The following NOL4 variants were observed in gnomAD, a reference collection of about 807,000 sequenced individuals.
The protein encoded by NOL4 is cancer/testis antigen 125.
A neutral mutation model predicts 75.9 loss-of-function variants in NOL4; 17 were observed. The ratio of observed to expected loss-of-function variants is 0.22; its 90% CI spans 0.15 to 0.34. The LOEUF is 0.34. Ranked by LOEUF, NOL4 falls within the 10% of genes least tolerant of loss-of-function variation. The probability of loss-of-function intolerance (pLI) is 1.00; values close to 1 mark genes in which losing one functional copy is unlikely to be tolerated. For missense variants in NOL4, 614 were observed against 793.5 expected (o/e 0.77, Z 2.72); for synonymous variants, 292 against 289.9 (o/e 1.01, Z -0.07).
chr18:33,941,653 C>A (rs560891034), intron 9 of NOL4, among the ~76,000 whole-genome samples: 1 of 151,918 alleles, frequency 6.6e-6, no homozygotes, highest in Non-Finnish European at 1.5e-5. Flanking sequence ...GTTCTCATAA[C>A]GACTCCACAG....
intron 9 of NOL4, among the ~76,000 whole-genome samples, chr18:33,903,050 T>G (rs2065834034): frequency 6.6e-6 from 1 of 152,208 alleles, no homozygotes; most frequent in African/African-American, 2.4e-5. Context: ...TACTGGAGAC[T>G]TGTCAAAGCT....
chr18:33,899,601 G>C (rs1225276527), intron 9 of NOL4, among the ~76,000 whole-genome samples: 2 of 152,092 alleles, frequency 1.3e-5, no homozygotes, highest in Non-Finnish European at 2.9e-5. Flanking sequence ...GGCAGTACTG[G>C]CTGTCTCTAT....
At chr18:34,207,205 A>AT (rs1276416148) in intron 1 of NOL4, among the ~76,000 whole-genome samples, 1 of 151,858 alleles carries the variant, frequency 6.6e-6, no homozygotes. Flanking sequence ...ACATCTTCTG[A>AT]TTTTTTTCTT....
intron 1 of NOL4, among the ~76,000 whole-genome samples, chr18:34,212,329 A>T (rs2036569318): frequency 6.6e-6 from 1 of 152,242 alleles, no homozygotes; most frequent in Non-Finnish European, 1.5e-5. Flanking sequence ...AACCATAGAA[A>T]TGGCAATACA....
At chr18:33,930,189 C>A (rs956038595) in intron 9 of NOL4, among the ~76,000 whole-genome samples, 4 of 151,950 alleles carry the variant, frequency 2.6e-5, no homozygotes, top group African/African-American at 9.7e-5. Flanking sequence ...ATCTGTAAAA[C>A]ATTTTAATTT....
chr18:33,969,803 C>T (rs1353198375), intron 6 of NOL4, among the ~76,000 whole-genome samples: 1 of 151,092 alleles, frequency 6.6e-6, no homozygotes, highest in Non-Finnish European at 1.5e-5. Flanking sequence ...TTTGAAGATT[C>T]CCATGAAATT....
chr18:33,933,818 T>C (rs2067869904), intron 9 of NOL4, among the ~76,000 whole-genome samples: 3 of 152,158 alleles, frequency 2.0e-5, no homozygotes, highest in Admixed American at 2.0e-4. Flanking sequence ...AATCAACTTC[T>C]TCCAAACTCC....
chr18:33,908,670 G>A (rs1203661039), intron 9 of NOL4, among the ~76,000 whole-genome samples: 2 of 152,060 alleles, frequency 1.3e-5, no homozygotes, highest in African/African-American at 2.4e-5. Context: ...GTCAAACTAA[G>A]GTAATTAGAT....
At chr18:34,010,772 A>T (rs751537695) in intron 6 of NOL4, among the ~76,000 whole-genome samples, 1 of 151,768 alleles carries the variant, frequency 6.6e-6, no homozygotes, top group Non-Finnish European at 1.5e-5. Flanking sequence ...CACATCTCAT[A>T]GTAGTTTTGA....
rs1042059789 is a variant in NOL4, at chr18:34,222,860, G to T, written c.264+130C>A. 5 of 1,219,152 alleles carry T rather than the reference G, an allele frequency of 4.1e-6. No homozygotes were observed. In the African/African-American group the frequency reaches 4.5e-5, roughly 11 times the overall value. The allele number at this position is 1,219,152 out of a possible 1,614,324, so 75.5% of individuals were successfully genotyped here. On this transcript the variant is annotated intron_variant, in intron 1 of 10. Transcript: ENST00000261592. ...GCGAGTGGGGACGACTTGGGGAGGG[G>T]GTTGAGGAAGGTAGGGGGCACACGA...
intron 1 of NOL4, among the ~76,000 whole-genome samples, chr18:34,194,086 T>C (rs770127010): frequency 6.6e-6 from 1 of 152,038 alleles, no homozygotes; most frequent in Non-Finnish European, 1.5e-5. Context: ...GGATAGGGGT[T>C]GGGGAAATGT....
intron 6 of NOL4, among the ~76,000 whole-genome samples, chr18:33,974,303 G>A (rs2071322678): frequency 6.6e-6 from 1 of 152,114 alleles, no homozygotes; most frequent in African/African-American, 2.4e-5. Flanking sequence ...ACTTGCTCTG[G>A]AATAGGCTTT....
chr18:33,931,983 C>T (rs1205568568), intron 9 of NOL4, among the ~76,000 whole-genome samples: 2 of 151,898 alleles, frequency 1.3e-5, no homozygotes, highest in Non-Finnish European at 2.9e-5. Context: ...CAGTTTCTTA[C>T]CATCTGGAAA....
chr18:34,053,435 C>G (rs2076705775), intron 5 of NOL4, among the ~76,000 whole-genome samples: 1 of 151,868 alleles, frequency 6.6e-6, no homozygotes, highest in Non-Finnish European at 1.5e-5. Context: ...AGGTTAGACC[C>G]TATGAGTGGA....
chr18:33,998,915 T>TCAC (rs2073484695), intron 6 of NOL4, among the ~76,000 whole-genome samples: 1 of 152,076 alleles, frequency 6.6e-6, no homozygotes, highest in Non-Finnish European at 1.5e-5. Context: ...CACCATATAC[T>TCAC]TATAGTTGCT....
At chr18:33,896,804 A>G (rs1404192919) in intron 9 of NOL4, among the ~76,000 whole-genome samples, 3 of 152,206 alleles carry the variant, frequency 2.0e-5, no homozygotes, top group Admixed American at 2.0e-4. Flanking sequence ...TCTCCACTGC[A>G]AAAGAAACTA....
Position 34,093,466 on chromosome 18 carries a change from A to T in NOL4, c.771T>A (p.Asp257Glu), listed in dbSNP as rs1318510845. 2.5e-6 allele frequency: 4 copies of T among 1,578,874 alleles called. No individual in the cohort carries two copies. The highest frequency in any genetic ancestry group is 3.4e-6 in the Non-Finnish European group (4 of 1,160,694). ...ATTTAGTCAAACTGAAAGGCTTACC[A>T]TCTTGCTGGCCATGAAGATTCTGGG... ...QSPQNLHGQQ[D>E]DDSAAESFNG... is the part of the protein sequence containing the mutation. The change falls in exon 5 of 11, where the codon GAT (aspartate) becomes GAA (glutamate). Residue 257 changes from aspartate to glutamate, a missense_variant and splice_region_variant. Transcript: ENST00000261592.
chr18:34,133,808 G>A (rs947773259), intron 1 of NOL4, among the ~76,000 whole-genome samples: 7 of 152,122 alleles, frequency 4.6e-5, no homozygotes, highest in Non-Finnish European at 8.8e-5. Flanking sequence ...CAGATCATGA[G>A]GTCAGGAGTT....
chr18:34,049,691 G>A (rs1222491965), intron 5 of NOL4, among the ~76,000 whole-genome samples: 1 of 151,960 alleles, frequency 6.6e-6, no homozygotes, highest in Non-Finnish European at 1.5e-5. Flanking sequence ...TTTATGTTAG[G>A]AGCATCTATT....
Sources: allele counts gnomAD v4.1 joint callset (sites outside exome capture counted in the v4.1 genomes callset), GRCh38; gene constraint gnomAD v4.1.1; transcripts MANE v1.5; gene names NCBI Gene and HGNC (gene_info 2026-07-23, HGNC 2026-07-21).